Variants in FRRS1L observed in about 807,000 individuals in gnomAD.
FRRS1L encodes DOMON domain-containing protein FRRS1L.
In FRRS1L, 22 loss-of-function variants were observed where a neutral mutation model predicts 28.6. The ratio of observed to expected loss-of-function variants is 0.77; its 90% CI spans 0.55 to 1.10. The LOEUF (loss-of-function observed/expected upper bound fraction) is 1.10. FRRS1L is among the 50% of genes least tolerant of loss of function. The pLI, the probability that FRRS1L is intolerant of heterozygous loss-of-function variation, is 0.00. For missense variants in FRRS1L, 380 were observed against 386.9 expected (o/e 0.98, Z 0.15); for synonymous variants, 158 against 151.4 (o/e 1.04, Z -0.32).
rs1831567424 is a variant in FRRS1L, at chr9:109,167,195, C to A, written c.-57G>T. 2 of 1,174,544 alleles carry A rather than the reference C, an allele frequency of 1.7e-6. No homozygotes were observed. The highest frequency in any genetic ancestry group is 2.1e-6 in the Non-Finnish European group (2 of 953,670). 72.8% of individuals were successfully genotyped at this position (1,174,544 alleles called of 1,614,324 possible). A position where few individuals can be genotyped will look rare whatever the true frequency, so the allele number is the denominator to read the frequency against. On this transcript the variant is annotated 5_prime_UTR_variant, in exon 1 of 5. Coordinates refer to ENST00000561981, the MANE Select transcript of FRRS1L (RefSeq NM_014334.4). ...CGGGCCGCAGCGGGGGCGCCGCGGG[C>A]GCGGGCCGGGACTGAGCCTCCGCCG...
At chr9:109,161,053 G>A (rs1308013735) in intron 1 of FRRS1L, among the ~76,000 whole-genome samples, 2 of 152,084 alleles carry the variant, frequency 1.3e-5, no homozygotes, top group Non-Finnish European at 2.9e-5. Context: ...GCTTCCCAAC[G>A]TGCTGGGATT....
At position 109,135,024 on chromosome 9, in the gene FRRS1L, T is replaced by G. The variant is rs1831096442; in HGVS notation, c.*2431A>C. On this transcript the variant is annotated 3_prime_UTR_variant, in exon 5 of 5. Coordinates refer to ENST00000561981, the MANE Select transcript of FRRS1L (RefSeq NM_014334.4). The stretch of plus-strand genomic sequence containing the variant: ...CTTGATGTCATTTAATTTCTCCCCA[T>G]CTGCAATGAACAGAATTTCTCCTCC... The G allele has an allele frequency of 6.6e-6, 1 of 152,196 alleles. No individual in the cohort carries two copies. The highest frequency in any genetic ancestry group is 2.4e-5 in the African/African-American group (1 of 41,448). The allele number at this position is 152,196 out of a possible 1,614,324, so 9.4% of individuals were successfully genotyped here.
intron 4 of FRRS1L, chr9:109,139,503 T>C (rs895779319): frequency 6.6e-6 from 1 of 152,262 alleles, no homozygotes; most frequent in Admixed American, 6.5e-5. Context: ...ATAGGAAGTA[T>C]TATTATCCCC....
intron 2 of FRRS1L, 42 bp downstream of exon 2, chr9:109,149,594 C>T (rs375074290): frequency 1.2e-4 from 152 of 1,298,598 alleles, no homozygotes; most frequent in Non-Finnish European, 1.5e-4. Context: ...AGAAGTAAAT[C>T]AGTCTTAGCC....
rs1032417714 is a variant in FRRS1L at position 109,136,162 on chromosome 9, G to A, written c.*1293C>T. ...CAGGAGAATCACTTGAACCTGGGAG[G>A]CGGAGGTTGCAGTGAAGCTGAGATC... On this transcript the variant is annotated 3_prime_UTR_variant, in exon 5 of 5. Transcript: ENST00000561981. 4 of 151,826 alleles carry A rather than the reference G, an allele frequency of 2.6e-5. No individual in the cohort carries two copies. Among genetic ancestry groups the A allele is most frequent in the African/African-American group, 9.7e-5 (4 of 41,314 alleles). The allele number at this position is 151,826 out of a possible 1,614,324, so 9.4% of individuals were successfully genotyped here.
rs59385693 is a variant in FRRS1L at position 109,152,803 on chromosome 9, C to CAAAAAA, written c.239-3089_239-3084dup. On this transcript the variant is annotated intron_variant, in intron 1 of 4. Coordinates refer to ENST00000561981, the MANE Select transcript of FRRS1L (RefSeq NM_014334.4). ...TGGGTGACAGAGAGAGACTCCATCTCAAAAAAAAAAAAAAAAAAAAAAAAA... is the reference window on the plus strand; with the variant it reads ...TGGGTGACAGAGAGAGACTCCATCTCAAAAAAAAAAAAAAAAAAAAAAAAAAAAAAA... Among the ~76,000 whole-genome samples, 7 of 24,114 alleles carry CAAAAAA rather than the reference C, an allele frequency of 2.9e-4. 2 individuals carry two copies. The highest frequency in any genetic ancestry group is 1.5e-3 in the African/African-American group (6 of 3,926). 15.8% of individuals were successfully genotyped at this position (24,114 alleles called of 152,430 possible).
chr9:109,166,303 G>C (rs1370818850), intron 1 of FRRS1L, among the ~76,000 whole-genome samples: 2 of 152,220 alleles, frequency 1.3e-5, no homozygotes, highest in Middle Eastern at 3.4e-3. Context: ...ATGGTGGCTC[G>C]CACTAGGGGA....
At chr9:109,166,401 A>G (rs892284954) in intron 1 of FRRS1L, among the ~76,000 whole-genome samples, 8 of 152,202 alleles carry the variant, frequency 5.3e-5, no homozygotes, top group Non-Finnish European at 4.4e-5. Flanking sequence ...GAGCAGGAAC[A>G]GAATGCTACG....
In FRRS1L at chr9:109,136,613, T is replaced by TGG. The variant is rs374070512; in HGVS notation, c.*840_*841dup. On this transcript the variant is annotated 3_prime_UTR_variant, in exon 5 of 5. Coordinates refer to ENST00000561981, the MANE Select transcript of FRRS1L (RefSeq NM_014334.4). ...TCGGCTCACTGCAACCTCCGCCTCC[T>TGG]GGGTTCCAGCAATTCTCCTGCCTCA... The TGG allele has an allele frequency of 4.6e-5, 7 of 152,164 alleles. No individual in the cohort carries two copies. The highest frequency in any genetic ancestry group is 1.7e-4 in the African/African-American group (7 of 41,438). 9.4% of individuals were successfully genotyped at this position (152,164 alleles called of 1,614,324 possible).
intron 1 of FRRS1L, among the ~76,000 whole-genome samples, chr9:109,153,857 G>A (rs1452173301): frequency 6.6e-6 from 1 of 152,168 alleles, no homozygotes; most frequent in East Asian, 1.9e-4. Context: ...AAATAAGTTT[G>A]GACCATGTGC....
At chr9:109,142,227 TATG>T (rs1265674980) in intron 3 of FRRS1L, among the ~76,000 whole-genome samples, 1 of 152,244 alleles carries the variant, frequency 6.6e-6, no homozygotes, top group Non-Finnish European at 1.5e-5. Flanking sequence ...GTTAAAGGAT[TATG>T]ATATTTGCTA....
chr9:109,142,047 T>C (rs1831196211), intron 3 of FRRS1L, among the ~76,000 whole-genome samples: 1 of 150,982 alleles, frequency 6.6e-6, no homozygotes, highest in Non-Finnish European at 1.5e-5. Context: ...ATTTGGGCTA[T>C]AAACCCAAAA....
At chr9:109,164,879 T>C (rs1255049244) in intron 1 of FRRS1L, among the ~76,000 whole-genome samples, 1 of 152,216 alleles carries the variant, frequency 6.6e-6, no homozygotes, top group Non-Finnish European at 1.5e-5. Context: ...CACTGAAGTC[T>C]TTCCTACTTC....
chr9:109,145,143 T>A (rs1042305968), intron 3 of FRRS1L, among the ~76,000 whole-genome samples: 1 of 152,106 alleles, frequency 6.6e-6, no homozygotes, highest in African/African-American at 2.4e-5. Context: ...TCTCATAGTT[T>A]GGGAACAAGC....
At chr9:109,143,255 C>A (rs958507828) in intron 3 of FRRS1L, among the ~76,000 whole-genome samples, 1 of 151,950 alleles carries the variant, frequency 6.6e-6, no homozygotes, top group South Asian at 2.1e-4. Context: ...GTGGAGGCTG[C>A]AGTGAGCCGA....
At position 109,135,130 on chromosome 9, in the gene FRRS1L, T is replaced by G. The variant is rs749845627; in HGVS notation, c.*2325A>C. The G allele has an allele frequency of 6.6e-6, 1 of 152,164 alleles. No individual in the cohort carries two copies. Among genetic ancestry groups the G allele is most frequent in the African/African-American group, 2.4e-5 (1 of 41,440 alleles). 9.4% of individuals were successfully genotyped at this position (152,164 alleles called of 1,614,324 possible). ...TTCAACTCCAGGAGAATGTGAAAGC[T>G]CTCCCCACAGGCAGACTTTCACCTG... is the stretch of plus-strand genomic sequence containing the variant. On this transcript the variant is annotated 3_prime_UTR_variant, in exon 5 of 5. Transcript: ENST00000561981.
chr9:109,140,591 T>A (rs1369716107), intron 4 of FRRS1L: 3 of 152,142 alleles, frequency 2.0e-5, no homozygotes, highest in Non-Finnish European at 2.9e-5. Context: ...TATGGGATAA[T>A]TTGGTAGATT....
intron 1 of FRRS1L, among the ~76,000 whole-genome samples, chr9:109,156,458 G>A (rs975781128): frequency 6.1e-5 from 9 of 148,586 alleles, no homozygotes; most frequent in East Asian, 2.0e-4. Context: ...GCACGATCTC[G>A]CCTCACTGCA....
rs1831132915 is a variant in FRRS1L at position 109,137,697 on chromosome 9, A to G, written c.710-70T>C. ...AGATTTATAATGGTATAGGCAAACA[A>G]TGGAAAAATCAAAAGTCTATTTAGT... is the stretch of plus-strand genomic sequence containing the variant. On this transcript the variant is annotated intron_variant, in intron 4 of 4. Transcript: ENST00000561981. 3.0e-6 allele frequency: 3 copies of G among 996,762 alleles called. No individual in the cohort carries two copies. The East Asian group carries it at 7.6e-5, about 25-fold the overall frequency. The allele number at this position is 996,762 out of a possible 1,614,324, so 61.7% of individuals were successfully genotyped here. A position where few individuals can be genotyped will look rare whatever the true frequency, so the allele number is the denominator to read the frequency against.
Sources: allele counts gnomAD v4.1 joint callset (sites outside exome capture counted in the v4.1 genomes callset), GRCh38; gene constraint gnomAD v4.1.1; transcripts MANE v1.5; gene names NCBI Gene and HGNC (gene_info 2026-07-23, HGNC 2026-07-21).